The following GPR179 variants were observed in gnomAD, a reference collection of about 807,000 sequenced individuals.
The protein encoded by GPR179 is G protein-coupled receptor 179.
A neutral mutation model predicts 70.8 loss-of-function variants in GPR179; 52 were observed. The ratio of observed to expected loss-of-function variants is 0.73; its 90% CI spans 0.59 to 0.93. The LOEUF (loss-of-function observed/expected upper bound fraction) is 0.93, where lower values mean the gene tolerates loss of function less well. GPR179 is among the 40% of genes least tolerant of loss of function. GPR179 has a pLI of 0.00. For missense variants in GPR179, 2,734 were observed against 2,966.8 expected (o/e 0.92, Z 1.82); for synonymous variants, 1,123 against 1,169.0 (o/e 0.96, Z 0.80).
In GPR179 at chr17:38,343,601, G is replaced by A; in HGVS notation, c.189C>T (p.Leu63=). 6.2e-7 allele frequency: 1 copy of A among 1,613,820 alleles called. No homozygotes were observed. Among genetic ancestry groups the A allele is most frequent in the Non-Finnish European group, 8.5e-7 (1 of 1,180,008 alleles). ...ATAGCTGCTGGGCATCTCCAGAGTA[G>A]AGATAAGCGAGGGCGGCCTCGGCCC... ...LEGAEAALAY[L]YSGDAQQLSQ... Residue 63 remains leucine (L), a synonymous_variant, in exon 1 of 11, where the codon CTC becomes CTT. Transcript: ENST00000616987. The surrounding 1 kb of genome is among the most constrained non-coding windows in gnomAD (Gnocchi z 4.2).
In GPR179 at chr17:38,327,179, G is replaced by C. The variant is rs1210682698; in HGVS notation, c.6390C>G (p.Ile2130Met). ...CTCCTCCACCCGCCTCCCAAGGGCA[G>C]ATCTCTGCTTTCTTGGCAGAGGGAG... Reference protein sequence around the residue: ...VEAPSAKKAEICPWEAGGGAA... With the variant: ...VEAPSAKKAEMCPWEAGGGAA... The change falls in exon 11 of 11, where the codon ATC (isoleucine) becomes ATG (methionine). Residue 2130 changes from isoleucine (I) to methionine (M), a missense_variant. By Grantham distance (10) the Ile-to-Met change is conservative. Coordinates refer to ENST00000616987, the MANE Select transcript of GPR179 (RefSeq NM_001004334.4). 1 of 1,614,118 alleles carries C rather than the reference G, an allele frequency of 6.2e-7. No homozygotes were observed. The highest frequency in any genetic ancestry group is 8.5e-7 in the Non-Finnish European group (1 of 1,180,050).
chr17:38,335,330 G>T, intron 6 of GPR179, 59 bp from the exon 7 acceptor site: 3 of 1,306,890 alleles, frequency 2.3e-6, no homozygotes, highest in Non-Finnish European at 3.2e-6. Flanking sequence ...CACGAAGAGG[G>T]TGCCAGCGCC....
chr17:38,329,822 A>C lies in GPR179; in HGVS notation c.3747T>G (p.Thr1249=). Residue 1249 remains threonine, a synonymous_variant, in exon 11 of 11, where the codon ACT becomes ACG. Transcript: ENST00000616987. ...TGTCTGGCTGACGCGTTTCTGATTCAGTGACCTCCCAGGGGCATACCTCTG... is the reference window on the plus strand; with the variant it reads ...TGTCTGGCTGACGCGTTTCTGATTCCGTGACCTCCCAGGGGCATACCTCTG... ...RVAEVCPWEV[T]ESETRQPDSG... is the part of the protein sequence containing the mutation. 6.2e-7 allele frequency: 1 copy of C among 1,614,082 alleles called. No individual in the cohort carries two copies. The highest frequency in any genetic ancestry group is 8.5e-7 in the Non-Finnish European group (1 of 1,180,008).
intron 1 of GPR179, 151 bp from the exon 2 acceptor site, chr17:38,339,676 C>A: frequency 4.9e-6 from 3 of 611,822 alleles, no homozygotes; most frequent in Non-Finnish European, 8.8e-6. Context: ...TAGAAGGGTT[C>A]AGAAGTAAGG....
chr17:38,335,999 T>C (rs1321303916), intron 5 of GPR179, 77 bp downstream of exon 5: 4 of 1,027,420 alleles, frequency 3.9e-6, no homozygotes, highest in Non-Finnish European at 6.2e-6. Flanking sequence ...AGAGAAGGGT[T>C]CTGGGGCTTG....
intron 2 of GPR179, among the ~76,000 whole-genome samples, chr17:38,338,112 G>T (rs569658393): frequency 6.6e-6 from 1 of 152,126 alleles, no homozygotes; most frequent in Non-Finnish European, 1.5e-5. Flanking sequence ...TACTTCAAAG[G>T]GTCCCCATCA....
Position 38,326,498 on chromosome 17 carries a change from G to A in GPR179, c.7071C>T (p.Thr2357=). Reference sequence around the variant, plus strand: ...AATCCCAAGGATAGACAGTGGGAGGGGTGAATTCTTCATACTGAGCTTCAA... The same window carrying A: ...AATCCCAAGGATAGACAGTGGGAGGAGTGAATTCTTCATACTGAGCTTCAA... ...VAFEAQYEEF[T]PPTVYPWDWE Residue 2357 remains threonine, a synonymous_variant, in exon 11 of 11, where the codon ACC becomes ACT. Coordinates refer to ENST00000616987, the MANE Select transcript of GPR179 (RefSeq NM_001004334.4). The A allele has an allele frequency of 6.2e-7, 1 of 1,611,984 alleles. No homozygotes were observed.
chr17:38,333,791 G>A, intron 9 of GPR179, 142 bp downstream of exon 9: 1 of 629,166 alleles, frequency 1.6e-6, no homozygotes. Flanking sequence ...CTAGCTTAGG[G>A]CCCCTGGCAC....
Position 38,335,689 on chromosome 17 carries a change from T to C in GPR179, c.1308A>G (p.Leu436=), listed in dbSNP as rs1047319098. 1.9e-6 allele frequency: 3 copies of C among 1,613,016 alleles called. No homozygotes were observed. Among genetic ancestry groups the C allele is most frequent in the East Asian group, 2.2e-5 (1 of 44,890 alleles). Residue 436 remains leucine (L), a synonymous_variant, in exon 6 of 11, where the codon CTA becomes CTG. Coordinates refer to ENST00000616987, the MANE Select transcript of GPR179 (RefSeq NM_001004334.4). ...AGCGGAATACACTGGGCTTGAAGTA[T>C]AGGATGAAGACCTGGTGGGAAGGGG... ...FLLLYFPVFI[L]YFKPSVFRCI...
rs543758786 is a variant in GPR179, at chr17:38,339,867, G to C, written c.795-342C>G. The stretch of plus-strand genomic sequence containing the variant: ...CATCTTCCCCTGCCTTTCTGTGTAG[G>C]AGCTGGTCATAAAGAAATTCTCTGG... On this transcript the variant is annotated intron_variant, in intron 1 of 10. Coordinates refer to ENST00000616987, the MANE Select transcript of GPR179 (RefSeq NM_001004334.4). Among the ~76,000 whole-genome samples the C allele has an allele frequency of 2.0e-5, 3 of 152,282 alleles. No individual in the cohort carries two copies. In the South Asian group the frequency reaches 6.2e-4, roughly 32 times the overall value.
rs1329194849 is a variant in GPR179, at chr17:38,329,716, C to T, written c.3853G>A (p.Asp1285Asn). 1 of 1,614,056 alleles carries T rather than the reference C, an allele frequency of 6.2e-7. No individual in the cohort carries two copies. The highest frequency in any genetic ancestry group is 1.3e-5 in the African/African-American group (1 of 74,924). Residue 1285 changes from aspartate (D) to asparagine (N), a missense_variant, in exon 11 of 11, where the codon GAC (aspartate) becomes AAC (asparagine). By Grantham distance (23) the Asp-to-Asn change is conservative. Coordinates refer to ENST00000616987, the MANE Select transcript of GPR179 (RefSeq NM_001004334.4). ...GCCTCCCCTCTCTTTTTTTGGGAGT[C>T]ACCTGGGTCTTGTCTTAGTGCCCTC... ...ESRALRQDPG[D>N]SQKKRGEARG...
chr17:38,331,204 G>GT lies in GPR179; in HGVS notation c.2364dup (p.Leu789ThrfsTer134), dbSNP rs1425496461. On this transcript the variant is annotated frameshift_variant, in exon 11 of 11. Transcript: ENST00000616987. LOFTEE classifies it low-confidence loss of function (END_TRUNC). Reference sequence around the variant, plus strand: ...TTCTTGGCCAGCTTCCTCCTCAGCAGTGAGTCAAGAAGAGGCGGGTCCTGC... The same window carrying GT: ...TTCTTGGCCAGCTTCCTCCTCAGCAGTTGAGTCAAGAAGAGGCGGGTCCTGC... 6.2e-7 allele frequency: 1 copy of GT among 1,607,566 alleles called. No homozygotes were observed. The highest frequency in any genetic ancestry group is 2.2e-5 in the East Asian group (1 of 44,760).
rs968668801 is a variant in GPR179, at chr17:38,328,804, T to C, written c.4765A>G (p.Lys1589Glu). ...ACCTCCCAGGGACAGATTTCTGTTT[T>C]GGCAGGTGTTGCTTCCTGTGCCTCC... is the stretch of plus-strand genomic sequence containing the variant. ...RPEAQEATPAKTEICPWEVNE... is the reference protein window; with the variant it reads ...RPEAQEATPAETEICPWEVNE... Residue 1589 changes from lysine to glutamate, a missense_variant, in exon 11 of 11, where the codon AAA (lysine) becomes GAA (glutamate). Transcript: ENST00000616987. 1 of 1,614,152 alleles carries C rather than the reference T, an allele frequency of 6.2e-7. No homozygotes were observed. Among genetic ancestry groups the C allele is most frequent in the Non-Finnish European group, 8.5e-7 (1 of 1,180,016 alleles).
In GPR179 at chr17:38,327,112, C is replaced by T. The variant is rs757565461; in HGVS notation, c.6457G>A (p.Gly2153Arg). ...GEQERESQGQ[G>R]EMFLQKAGPG... ...CCTGCCTTCTGAAGGAACATCTCTC[C>T]TTGCCCTTGTGATTCTCTTTCCTGT... Residue 2153 changes from glycine (G) to arginine (R), a missense_variant, in exon 11 of 11, where the codon GGA becomes AGA. Physicochemically the swap from Gly to Arg is moderately radical, Grantham distance 125. Transcript: ENST00000616987. 1.4e-5 allele frequency: 23 copies of T among 1,614,264 alleles called. 1 individual carries two copies. In the Middle Eastern group the frequency reaches 3.8e-3, roughly 266 times the overall value.
chr17:38,343,439 G>C lies in GPR179; in HGVS notation c.351C>G (p.Asp117Glu). ...NFLNMLLQAN[D>E]IRESSVEEDV... ...CCTCCTCCACACTGGACTCACGGAT[G>C]TCGTTGGCTTGCAGCAGCATGTTGA... Residue 117 changes from aspartate to glutamate, a missense_variant, in exon 1 of 11, where the codon GAC becomes GAG. Physicochemically the swap from Asp to Glu is conservative, Grantham distance 45. Coordinates refer to ENST00000616987, the MANE Select transcript of GPR179 (RefSeq NM_001004334.4). This position sits in a 1 kb window ranked among gnomAD's most constrained non-coding sequence, Gnocchi z 4.2. The C allele has an allele frequency of 1.2e-6, 2 of 1,614,128 alleles. No individual in the cohort carries two copies. Among genetic ancestry groups the C allele is most frequent in the South Asian group, 2.2e-5 (2 of 91,088 alleles).
At chr17:38,342,882 G>GC in intron 1 of GPR179, 114 bp downstream of exon 1, 2 of 996,416 alleles carry the variant, frequency 2.0e-6, no homozygotes, top group Non-Finnish European at 1.5e-6. Context: ...ACATCTGTGT[G>GC]CCCCCCAGGC....
rs1164495086 is a variant in GPR179, at chr17:38,333,917, G to T, written c.1890+16C>A. The T allele has an allele frequency of 3.8e-6, 6 of 1,574,552 alleles. No homozygotes were observed. The highest frequency in any genetic ancestry group is 5.2e-6 in the Non-Finnish European group (6 of 1,145,832). ...GGGCTGGGGTCCACCTCACAGGCAGGAGGGGAGGGCCTCACCTTAGGGATG... is the reference window on the plus strand; with the variant it reads ...GGGCTGGGGTCCACCTCACAGGCAGTAGGGGAGGGCCTCACCTTAGGGATG... On this transcript the variant is annotated intron_variant, in intron 9 of 10. Coordinates refer to ENST00000616987, the MANE Select transcript of GPR179 (RefSeq NM_001004334.4).
chr17:38,333,983 GGAA>G lies in GPR179; in HGVS notation c.1837_1839del (p.Phe613del), dbSNP rs753121742. On this transcript the variant is annotated inframe_deletion, in exon 9 of 11. Coordinates refer to ENST00000616987, the MANE Select transcript of GPR179 (RefSeq NM_001004334.4). ...GTGGTGGTGACTGTGCTGTGGGTGT[GGAA>G]GAAGAAGAGGAGGAGGGTCCAGTCC... 6 of 1,613,874 alleles carry G rather than the reference GGAA, an allele frequency of 3.7e-6. No homozygotes were observed. Among genetic ancestry groups the G allele is most frequent in the South Asian group, 1.1e-5 (1 of 91,028 alleles).
At chr17:38,335,783 C>A in intron 5 of GPR179, 83 bp from the exon 6 acceptor site, 1 of 869,734 alleles carries the variant, frequency 1.1e-6, no homozygotes, top group Admixed American at 1.9e-5. Flanking sequence ...TGTGGATCCT[C>A]CCAACAGCCC....
Sources: allele counts gnomAD v4.1 joint callset (sites outside exome capture counted in the v4.1 genomes callset), GRCh38; gene constraint gnomAD v4.1.1; non-coding constraint Gnocchi (gnomAD v3.1); transcripts MANE v1.5; gene names NCBI Gene and HGNC (gene_info 2026-07-23, HGNC 2026-07-21).